Variants in UGT1A9 observed in about 807,000 individuals in gnomAD.
UGT1A9 encodes the protein UDP-glucuronosyltransferase 1A9.
Under a neutral mutation model 45.0 loss-of-function variants are expected in UGT1A9, and 35 were observed. That is an observed-to-expected ratio of 0.78 (90% CI 0.59 to 1.03). UGT1A9 has a LOEUF of 1.03. Ranked by LOEUF, UGT1A9 falls within the 50% of genes least tolerant of loss-of-function variation. The probability of loss-of-function intolerance (pLI) is 0.00; values close to 1 mark genes in which losing one functional copy is unlikely to be tolerated. For synonymous variants in UGT1A9, 278 were observed against 250.6 expected, an observed-to-expected ratio of 1.11 and a Z score of -1.03; for missense variants, 687 against 666.6, an observed-to-expected ratio of 1.03 and a Z score of -0.34.
At chr2:233,699,430 G>T (rs2075505174) in intron 1 of UGT1A9, among the ~76,000 whole-genome samples, 1 of 152,190 alleles carries the variant, frequency 6.6e-6, no homozygotes, top group Admixed American at 6.5e-5. Flanking sequence ...TATTAGAAGG[G>T]TCATTGGAGT....
chr2:233,717,316 T>A (rs2076563211), intron 1 of UGT1A9, among the ~76,000 whole-genome samples: 1 of 152,198 alleles, frequency 6.6e-6, no homozygotes, highest in African/African-American at 2.4e-5. Context: ...TTTCTAGCAC[T>A]CTGTGTCCTC....
At chr2:233,719,031 G>C (rs140140394) in intron 1 of UGT1A9, 1,168 of 1,614,166 alleles carry the variant, frequency 7.2e-4, no homozygotes, top group Non-Finnish European at 9.3e-4. Flanking sequence ...GCACATCAAA[G>C]AAGAGAAATT....
chr2:233,688,620 G>A (rs2074905947), intron 1 of UGT1A9, among the ~76,000 whole-genome samples: 1 of 152,148 alleles, frequency 6.6e-6, no homozygotes, highest in South Asian at 2.1e-4. Flanking sequence ...CAGCAAACAT[G>A]AGTTCGTCTT....
chr2:233,762,122 C>T (rs1697975314), intron 1 of UGT1A9, among the ~76,000 whole-genome samples: 1 of 152,090 alleles, frequency 6.6e-6, no homozygotes, highest in South Asian at 2.1e-4. Flanking sequence ...CATCATGAGC[C>T]ATGTGGGGAC....
At chr2:233,770,089 T>C (rs2126050834) in intron 4 of UGT1A9, 1 of 153,022 alleles carries the variant, frequency 6.5e-6, no homozygotes, top group South Asian at 2.1e-4. Context: ...TTCAGTGGTA[T>C]AGATAACTAC....
chr2:233,726,185 T>C (rs2077513858), intron 1 of UGT1A9, among the ~76,000 whole-genome samples: 1 of 152,162 alleles, frequency 6.6e-6, no homozygotes, highest in South Asian at 2.1e-4. Flanking sequence ...AAAATTTCTT[T>C]GGCATATGGA....
chr2:233,689,816 C>G (rs1484884597), intron 1 of UGT1A9: 2 of 441,390 alleles, frequency 4.5e-6, no homozygotes, highest in Non-Finnish European at 9.0e-6. Flanking sequence ...GGAAACCAAA[C>G]ATCTCTGGAC....
intron 1 of UGT1A9, among the ~76,000 whole-genome samples, chr2:233,706,094 T>TA (rs141668784): frequency 0.11 from 16,459 of 151,402 alleles, 1,013 homozygotes; most frequent in South Asian, 0.2. Flanking sequence ...GATTCTGTCT[T>TA]AAAAAAAAAC....
intron 1 of UGT1A9, among the ~76,000 whole-genome samples, chr2:233,676,167 T>C (rs764857188): frequency 4.6e-5 from 7 of 152,250 alleles, no homozygotes; most frequent in Non-Finnish European, 1.0e-4. Flanking sequence ...AAACCATTTG[T>C]GGAAATCATC....
intron 1 of UGT1A9, among the ~76,000 whole-genome samples, chr2:233,706,423 C>T (rs571614234): frequency 6.6e-6 from 1 of 152,376 alleles, no homozygotes; most frequent in African/African-American, 2.4e-5. Flanking sequence ...CGTGGTCTTT[C>T]AGCCACAGAC....
In UGT1A9 at chr2:233,681,530, CAAAAAAAA is replaced by C. The variant is rs747693860; in HGVS notation, c.855+8758_855+8765del. On this transcript the variant is annotated intron_variant, in intron 1 of 4. Transcript: ENST00000354728. ...TGGATGACACAGTGAGACTCCATCT[CAAAAAAAA>C]AAAAAAAAAAAAAAAATTGCAAATT... Among the ~76,000 whole-genome samples the C allele has an allele frequency of 4.9e-3, 378 of 77,720 alleles. 2 individuals are homozygous for C. The highest frequency in any genetic ancestry group is 0.017 in the African/African-American group (355 of 20,718). The allele number at this position is 77,720 out of a possible 152,430, so 51.0% of individuals were successfully genotyped here.
At chr2:233,772,179 C>T (rs540394959) in intron 4 of UGT1A9, 83 bp from the exon 5 acceptor site, 1 of 1,585,310 alleles carries the variant, frequency 6.3e-7, no homozygotes, top group East Asian at 2.3e-5. Context: ...ATCTGGTAGT[C>T]TTCTTAAGCA....
intron 1 of UGT1A9, chr2:233,682,818 T>G: frequency 6.3e-7 from 1 of 1,581,160 alleles, no homozygotes; most frequent in Middle Eastern, 1.7e-4. Context: ...TTTAGCACAT[T>G]AAGAATAATC....
At chr2:233,750,181 G>A (rs571998663) in intron 1 of UGT1A9, among the ~76,000 whole-genome samples, 9 of 151,994 alleles carry the variant, frequency 5.9e-5, no homozygotes. Context: ...TGCTGATAAT[G>A]TTGTGGACAA....
At chr2:233,717,364 C>T (rs888449503) in intron 1 of UGT1A9, among the ~76,000 whole-genome samples, 1 of 152,218 alleles carries the variant, frequency 6.6e-6, no homozygotes. Flanking sequence ...GGGGAGTTCT[C>T]AAGCCCTTAC....
chr2:233,702,232 C>T (rs963611809), intron 1 of UGT1A9, among the ~76,000 whole-genome samples: 1 of 152,150 alleles, frequency 6.6e-6, no homozygotes, highest in African/African-American at 2.4e-5. Context: ...ATGAATTTGC[C>T]TATTTCTATG....
intron 1 of UGT1A9, chr2:233,748,082 C>T (rs1013967791): frequency 1.5e-5 from 25 of 1,612,926 alleles, no homozygotes; most frequent in East Asian, 6.7e-5. Context: ...TATCTCAGGT[C>T]GGTGTTCGTG....
At chr2:233,733,869 C>T (rs975516121) in intron 1 of UGT1A9, among the ~76,000 whole-genome samples, 2 of 151,714 alleles carry the variant, frequency 1.3e-5, no homozygotes, top group Non-Finnish European at 2.9e-5. Context: ...GGAATAGTTT[C>T]AGAAGGAATG....
At chr2:233,681,777 A>G (rs1174483141) in intron 1 of UGT1A9, 3 of 923,306 alleles carry the variant, frequency 3.2e-6, no homozygotes, top group South Asian at 5.0e-5. Flanking sequence ...CTACTCATGT[A>G]TTATTATGAG....
Sources: allele counts gnomAD v4.1 joint callset (sites outside exome capture counted in the v4.1 genomes callset), GRCh38; gene constraint gnomAD v4.1.1; transcripts MANE v1.5; gene names NCBI Gene and HGNC (gene_info 2026-07-23, HGNC 2026-07-21).